Variants in TAFA1 observed in about 807,000 individuals in gnomAD.
The protein encoded by TAFA1 is chemokine-like protein TAFA-1.
A neutral mutation model predicts 18.5 loss-of-function variants in TAFA1; 4 were observed. That is an observed-to-expected ratio of 0.22 (90% CI 0.11 to 0.49). The LOEUF (loss-of-function observed/expected upper bound fraction) is 0.49. Ranked by LOEUF, TAFA1 falls within the 20% of genes least tolerant of loss-of-function variation. TAFA1 has a pLI of 0.98. For synonymous variants in TAFA1, 56 were observed against 55.2 expected (o/e 1.01, Z -0.06); for missense variants, 147 against 169.0 (o/e 0.87, Z 0.72).
At chr3:68,422,561 T>A (rs929765863) in intron 3 of TAFA1, among the ~76,000 whole-genome samples, 1 of 152,094 alleles carries the variant, frequency 6.6e-6, no homozygotes. Flanking sequence ...TGCTTTAAGG[T>A]TGAGAATCTG....
At chr3:68,353,826 G>C (rs2069314563) in intron 2 of TAFA1, among the ~76,000 whole-genome samples, 1 of 151,932 alleles carries the variant, frequency 6.6e-6, no homozygotes, top group South Asian at 2.1e-4. Flanking sequence ...CCACGTATGG[G>C]CTAAAAAAGA....
chr3:68,268,874 A>G lies in TAFA1; in HGVS notation c.119-148406A>G, dbSNP rs1424355990. 2.6e-5 allele frequency among the ~76,000 whole-genome samples: 4 copies of G among 152,294 alleles called. No individual in the cohort carries two copies. In the East Asian group the frequency reaches 7.7e-4, roughly 29 times the overall value. ...AGAGTGGCTGACACAAACTCATTAC[A>G]CTAAGCTGTCTTGCCTGACTGAACT... On this transcript the variant is annotated intron_variant, in intron 2 of 4. Coordinates refer to ENST00000478136, the MANE Select transcript of TAFA1 (RefSeq NM_213609.4).
At chr3:68,147,306 A>T (rs2065753576) in intron 2 of TAFA1, among the ~76,000 whole-genome samples, 1 of 152,038 alleles carries the variant, frequency 6.6e-6, no homozygotes, top group Non-Finnish European at 1.5e-5. Context: ...TATAGTTTAG[A>T]GCCAGCCAAA....
At chr3:68,432,892 C>T (rs2071204335) in intron 3 of TAFA1, among the ~76,000 whole-genome samples, 1 of 151,986 alleles carries the variant, frequency 6.6e-6, no homozygotes, top group South Asian at 2.1e-4. Flanking sequence ...TTGGTCTTCT[C>T]TTAGCCCTCA....
upstream of TAFA1, among the ~76,000 whole-genome samples, chr3:68,003,719 A>C (rs1704312618): frequency 6.6e-6 from 1 of 152,176 alleles, no homozygotes; most frequent in Admixed American, 6.5e-5. Context: ...AAATTTTTTA[A>C]AAAAGAGCTG....
chr3:68,082,270 C>T (rs1437249387), intron 2 of TAFA1, among the ~76,000 whole-genome samples: 1 of 152,238 alleles, frequency 6.6e-6, no homozygotes, highest in Non-Finnish European at 1.5e-5. Flanking sequence ...AAATCACCAT[C>T]TTGTGCGTCG....
rs75940007 is a variant in TAFA1, at chr3:68,155,272, T to C, written c.118+148528T>C. ...CTGATCAGTGGGGAAGCTATAACTA[T>C]GACATTCTCAGTAGAAGGCTTGCCA... On this transcript the variant is annotated intron_variant, in intron 2 of 4. Coordinates refer to ENST00000478136, the MANE Select transcript of TAFA1 (RefSeq NM_213609.4). 6.7e-3 allele frequency among the ~76,000 whole-genome samples: 1,016 copies of C among 152,322 alleles called. 10 individuals carry two copies. Among genetic ancestry groups the C allele is most frequent in the African/African-American group, 0.022 (927 of 41,574 alleles).
intron 2 of TAFA1, among the ~76,000 whole-genome samples, chr3:68,340,234 G>T (rs988641036): frequency 1.3e-5 from 2 of 152,126 alleles, no homozygotes; most frequent in Admixed American, 1.3e-4. Flanking sequence ...GTTCCTCAAG[G>T]TATAAGAAAA....
chr3:68,221,111 C>T (rs898682431), intron 2 of TAFA1, among the ~76,000 whole-genome samples: 1 of 152,198 alleles, frequency 6.6e-6, no homozygotes, highest in African/African-American at 2.4e-5. Flanking sequence ...CCTCTGGCCA[C>T]TCCTCTGCTT....
At chr3:68,046,156 T>A (rs957996328) in intron 2 of TAFA1, among the ~76,000 whole-genome samples, 1 of 152,194 alleles carries the variant, frequency 6.6e-6, no homozygotes, top group African/African-American at 2.4e-5. Context: ...TGGAATATAG[T>A]GATTCTGGCG....
intron 3 of TAFA1, among the ~76,000 whole-genome samples, chr3:68,463,145 T>C (rs2071817149): frequency 6.6e-6 from 1 of 152,176 alleles, no homozygotes. Flanking sequence ...TTCTAGCACA[T>C]GGATGGTGGG....
intron 2 of TAFA1, among the ~76,000 whole-genome samples, chr3:68,203,458 T>G (rs145229620): frequency 6.3e-4 from 95 of 151,860 alleles, no homozygotes; most frequent in African/African-American, 2.1e-3. Context: ...TCTTTTAGTA[T>G]GCCTTGTAAT....
intron 2 of TAFA1, among the ~76,000 whole-genome samples, chr3:68,306,280 C>T (rs2068420192): frequency 6.6e-6 from 1 of 152,068 alleles, no homozygotes; most frequent in Non-Finnish European, 1.5e-5. Context: ...TGTACCTCCT[C>T]TTTATTGGGT....
chr3:68,376,704 T>C (rs773452159), intron 2 of TAFA1, among the ~76,000 whole-genome samples: 3 of 152,176 alleles, frequency 2.0e-5, no homozygotes, highest in Non-Finnish European at 4.4e-5. Context: ...GGAATAGTGC[T>C]GCAATGAACA....
intron 3 of TAFA1, among the ~76,000 whole-genome samples, chr3:68,464,581 C>T (rs1278952230): frequency 6.6e-6 from 1 of 152,060 alleles, no homozygotes; most frequent in Non-Finnish European, 1.5e-5. Flanking sequence ...AGATGTAGAA[C>T]TGAGGAAAGC....
At chr3:68,006,839 G>A in intron 2 of TAFA1, 95 bp downstream of exon 2, 4 of 914,814 alleles carry the variant, frequency 4.4e-6, no homozygotes, top group Non-Finnish European at 7.1e-6. Flanking sequence ...GTGCTATAGT[G>A]TGGGCAGCTT....
intron 3 of TAFA1, among the ~76,000 whole-genome samples, chr3:68,531,007 TAAC>T (rs1226921171): frequency 2.6e-5 from 3 of 116,500 alleles, no homozygotes; most frequent in Non-Finnish European, 3.7e-5. Context: ...TTATAATGAT[TAAC>T]AACAACAACA....
At chr3:68,223,337 C>G (rs2066755532) in intron 2 of TAFA1, among the ~76,000 whole-genome samples, 1 of 152,148 alleles carries the variant, frequency 6.6e-6, no homozygotes. Flanking sequence ...TGAGCACTTA[C>G]TATGTTTCAG....
chr3:68,352,126 A>G (rs1007578654), intron 2 of TAFA1, among the ~76,000 whole-genome samples: 1 of 152,026 alleles, frequency 6.6e-6, no homozygotes, highest in Non-Finnish European at 1.5e-5. Context: ...GAGAAAAGTC[A>G]CTAACCACCC....
Sources: gnomAD v4.1 joint callset for allele counts (sites outside exome capture counted in the v4.1 genomes callset) on GRCh38, gnomAD v4.1.1 for gene constraint, MANE v1.5 for transcripts, NCBI Gene and HGNC (gene_info 2026-07-23, HGNC 2026-07-21) for gene names.